NECAP1: variants seen among roughly 807,000 people sequenced by gnomAD.
The protein encoded by NECAP1 is NECAP endocytosis associated 1, also known as adaptin ear-binding coat-associated protein 1.
In NECAP1, 13 loss-of-function variants were observed where a neutral mutation model predicts 33.4. The observed-to-expected ratio is 0.39, with a 90% CI of 0.25 to 0.62. NECAP1 has a LOEUF of 0.62. Among genes scored for constraint, NECAP1 ranks in the 20% least tolerant of loss-of-function variants. The pLI is 0.52. For missense variants in NECAP1, 272 were observed against 347.4 expected (o/e 0.78, Z 1.73); for synonymous variants, 109 against 125.2 (o/e 0.87, Z 0.86).
Position 8,082,279 on chromosome 12 carries a change from C to T in NECAP1, c.-10C>T. Reference sequence around the variant, plus strand: ...GTTTCGCCCCCGGCAGCGCCGACAGCGGACCCAAGATGGCGACCGAGTTGG... The same window carrying T: ...GTTTCGCCCCCGGCAGCGCCGACAGTGGACCCAAGATGGCGACCGAGTTGG... On this transcript the variant is annotated 5_prime_UTR_variant, in exon 1 of 8. Coordinates refer to ENST00000339754, the MANE Select transcript of NECAP1 (RefSeq NM_015509.4). The T allele has an allele frequency of 6.3e-7, 1 of 1,584,862 alleles. No individual in the cohort carries two copies. The highest frequency in any genetic ancestry group is 8.7e-7 in the Non-Finnish European group (1 of 1,155,814).
At chr12:8,092,372 A>G in intron 4 of NECAP1, 1 of 314,810 alleles carries the variant, frequency 3.2e-6, no homozygotes, top group Non-Finnish European at 5.9e-6. Flanking sequence ...GGAAAGACTA[A>G]GAAACTAACA....
intron 1 of NECAP1, among the ~76,000 whole-genome samples, chr12:8,084,322 T>C (rs935266193): frequency 3.4e-4 from 52 of 152,180 alleles, no homozygotes; most frequent in Admixed American, 2.0e-3. Context: ...TGCTTTTAGA[T>C]GGTAGTTACA....
At chr12:8,089,093 T>C (rs993410268) in intron 1 of NECAP1, 4 of 152,240 alleles carry the variant, frequency 2.6e-5, no homozygotes, top group Non-Finnish European at 5.9e-5. Context: ...GTTTCTTTTT[T>C]ATTTTCTATC....
rs575015587 is a variant in NECAP1, at chr12:8,090,640, C to G, written c.301+341C>G. ...CCTGACCAATATGATGAAACCCTGT[C>G]GCTACTGAAAATAAAAAATTAGCCA... On this transcript the variant is annotated intron_variant, in intron 3 of 7. Transcript: ENST00000339754. The G allele has an allele frequency of 1.9e-4, 35 of 185,228 alleles. No individual in the cohort carries two copies. In the South Asian group the frequency reaches 3.4e-3, roughly 18 times the overall value. 11.5% of individuals were successfully genotyped at this position (185,228 alleles called of 1,614,324 possible). A position where few individuals can be genotyped will look rare whatever the true frequency, so the allele number is the denominator to read the frequency against.
intron 4 of NECAP1, 141 bp from the exon 5 acceptor site, chr12:8,092,535 T>C (rs1215865300): frequency 3.2e-6 from 2 of 621,264 alleles, no homozygotes; most frequent in South Asian, 2.3e-5. Context: ...TTGGCTTTTT[T>C]CCCTTCTGTT....
At chr12:8,085,780 T>C (rs1234070286) in intron 1 of NECAP1, among the ~76,000 whole-genome samples, 3 of 142,562 alleles carry the variant, frequency 2.1e-5, no homozygotes, top group Non-Finnish European at 4.5e-5. Context: ...CATGGCTCAC[T>C]GCAATCTGTG....
At chr12:8,086,047 A>G (rs1947487974) in intron 1 of NECAP1, among the ~76,000 whole-genome samples, 1 of 152,164 alleles carries the variant, frequency 6.6e-6, no homozygotes, top group South Asian at 2.1e-4. Context: ...TGCCTGGCAC[A>G]TAATAAATGC....
chr12:8,094,408 A>G (rs1947576193), intron 6 of NECAP1, among the ~76,000 whole-genome samples: 1 of 152,084 alleles, frequency 6.6e-6, no homozygotes. Flanking sequence ...AGCTTACACC[A>G]TTTTACATGT....
In NECAP1 at chr12:8,092,923, G is replaced by T; in HGVS notation, c.544G>T (p.Gly182Trp). The part of the protein sequence containing the change: ...GASKPRTARG[G>W]GLSLLPPPPG... Reference sequence around the variant, plus strand: ...TTCTAAGCCCAGGACTGCAAGGGGTGGGGGTCTGAGCTTACTCCCACCCCC... The same window carrying T: ...TTCTAAGCCCAGGACTGCAAGGGGTTGGGGTCTGAGCTTACTCCCACCCCC... Residue 182 changes from glycine (G) to tryptophan (W), a missense_variant, in exon 6 of 8, where the codon GGG becomes TGG. Gly to Trp is a radical substitution (Grantham distance 184). Transcript: ENST00000339754. 1 of 1,594,554 alleles carries T rather than the reference G, an allele frequency of 6.3e-7. No homozygotes were observed. Among genetic ancestry groups the T allele is most frequent in the Non-Finnish European group, 8.5e-7 (1 of 1,170,888 alleles).
Position 8,093,039 on chromosome 12 carries a change from T to A in NECAP1, c.660T>A (p.His220Gln). 2.5e-6 allele frequency: 4 copies of A among 1,614,014 alleles called. No individual in the cohort carries two copies. Among genetic ancestry groups the A allele is most frequent in the Non-Finnish European group, 3.4e-6 (4 of 1,179,954 alleles). ...CACCACCCATTCCGAAATCTAACCATGGAGGCAGTGATGCAGGTAAATCTA... is the reference window on the plus strand; with the variant it reads ...CACCACCCATTCCGAAATCTAACCAAGGAGGCAGTGATGCAGGTAAATCTA... ...VTPPPIPKSN[H>Q]GGSDADILLD... The change falls in exon 6 of 8, where the codon CAT (histidine) becomes CAA (glutamine). Residue 220 changes from histidine to glutamine, a missense_variant. By Grantham distance (24) the His-to-Gln change is conservative. Transcript: ENST00000339754.
chr12:8,091,920 A>G (rs1947549131), intron 4 of NECAP1, 70 bp downstream of exon 4: 22 of 1,282,268 alleles, frequency 1.7e-5, no homozygotes, highest in Non-Finnish European at 2.5e-5. Flanking sequence ...ATGAATGGGC[A>G]GTATCTCTTT....
At chr12:8,091,648 G>A (rs114276554) in intron 3 of NECAP1, 121 bp from the exon 4 acceptor site, 46 of 782,878 alleles carry the variant, frequency 5.9e-5, no homozygotes, top group Admixed American at 8.6e-5. Flanking sequence ...TTGCTCTCTC[G>A]TGTGCAACTC....
intron 6 of NECAP1, chr12:8,095,254 T>C (rs1947584017): frequency 6.7e-6 from 1 of 148,478 alleles, no homozygotes; most frequent in Non-Finnish European, 1.5e-5. Flanking sequence ...TTTTTTTTTT[T>C]TTTTTGAGAC....
chr12:8,089,754 T>C (rs1359117240), intron 1 of NECAP1, 182 bp from the exon 2 acceptor site: 3 of 564,990 alleles, frequency 5.3e-6, no homozygotes, highest in South Asian at 2.5e-5. Context: ...GCATTGTCTT[T>C]TACTTGCTTT....
chr12:8,095,528 G>A (rs1027150832), intron 6 of NECAP1, 73 bp from the exon 7 acceptor site: 33 of 1,225,572 alleles, frequency 2.7e-5, no homozygotes, highest in Admixed American at 3.6e-5. Context: ...GATTACAGGC[G>A]TGAGCCACCG....
At chr12:8,093,187 C>A (rs779001846) in intron 6 of NECAP1, 132 bp downstream of exon 6, 14 of 884,560 alleles carry the variant, frequency 1.6e-5, no homozygotes, top group Non-Finnish European at 2.4e-5. Flanking sequence ...CTGTCAGCTT[C>A]TAGCAAGGAA....
At chr12:8,093,092 T>C (rs1324510681) in intron 6 of NECAP1, 37 bp downstream of exon 6, 1 of 1,591,074 alleles carries the variant, frequency 6.3e-7, no homozygotes, top group Non-Finnish European at 8.6e-7. Flanking sequence ...AAATCCAATC[T>C]TATGTTTTAA....
Position 8,096,099 on chromosome 12 carries a change from G to T in NECAP1, c.*9G>T. ...ACTGGGTCCAGTTCTGAATGGCATT[G>T]GCAGGACATTAAGGACAGACTTGAG... On this transcript the variant is annotated 3_prime_UTR_variant, in exon 8 of 8. Coordinates refer to ENST00000339754, the MANE Select transcript of NECAP1 (RefSeq NM_015509.4). 1 of 1,613,806 alleles carries T rather than the reference G, an allele frequency of 6.2e-7. No homozygotes were observed.
At chr12:8,082,404 C>T (rs376013432) in intron 1 of NECAP1, 21 bp downstream of exon 1, 133 of 1,604,900 alleles carry the variant, frequency 8.3e-5, no homozygotes, top group Non-Finnish European at 1.1e-4. Context: ...CGAGGCGCTG[C>T]CGCACACGCG....
Sources: allele counts gnomAD v4.1 joint callset (sites outside exome capture counted in the v4.1 genomes callset), GRCh38; gene constraint gnomAD v4.1.1; transcripts MANE v1.5; gene names NCBI Gene and HGNC (gene_info 2026-07-23, HGNC 2026-07-21).